DLG2: variants seen among roughly 807,000 people sequenced by gnomAD.
The protein encoded by DLG2 is discs large MAGUK scaffold protein 2, also known as disks large homolog 2.
Under a neutral mutation model 132.5 loss-of-function variants are expected in DLG2, and 45 were observed. The observed-to-expected ratio is 0.34, with a 90% CI of 0.27 to 0.44. DLG2 has a LOEUF of 0.44. Among genes scored for constraint, DLG2 ranks in the 20% least tolerant of loss-of-function variants. DLG2 has a pLI of 1.00. For missense variants in DLG2, 1,045 were observed against 1,196.9 expected, an observed-to-expected ratio of 0.87 and a Z score of 1.87; for synonymous variants, 424 against 419.6, an observed-to-expected ratio of 1.01 and a Z score of -0.13.
chr11:83,517,207 G>T (rs1283781816), intron 21 of DLG2, among the ~76,000 whole-genome samples: 1 of 152,138 alleles, frequency 6.6e-6, no homozygotes, highest in Non-Finnish European at 1.5e-5. Context: ...ATATTTCTTG[G>T]AGGCTTTGTG....
At chr11:83,625,644 G>A (rs2062392234) in intron 19 of DLG2, among the ~76,000 whole-genome samples, 1 of 152,204 alleles carries the variant, frequency 6.6e-6, no homozygotes, top group African/African-American at 2.4e-5. Context: ...ACTGTGTTGA[G>A]AATGAGGTTC....
intron 6 of DLG2, among the ~76,000 whole-genome samples, chr11:84,980,422 G>A (rs1433736506): frequency 1.3e-5 from 2 of 152,040 alleles, no homozygotes; most frequent in East Asian, 3.9e-4. Flanking sequence ...TTAAAACATT[G>A]GAACATTCCT....
At chr11:83,611,136 G>A (rs1436849455) in intron 19 of DLG2, among the ~76,000 whole-genome samples, 1 of 152,146 alleles carries the variant, frequency 6.6e-6, no homozygotes, top group African/African-American at 2.4e-5. Context: ...TATGTTGCAG[G>A]CTGGAGTGAA....
At chr11:84,416,413 G>C (rs952168622) in intron 7 of DLG2, among the ~76,000 whole-genome samples, 1 of 152,120 alleles carries the variant, frequency 6.6e-6, no homozygotes, top group Non-Finnish European at 1.5e-5. Context: ...TAAGCAAAAT[G>C]AAACTGTCTT....
chr11:85,323,905 A>G (rs942231752), intron 3 of DLG2, among the ~76,000 whole-genome samples: 1 of 152,126 alleles, frequency 6.6e-6, no homozygotes, highest in Non-Finnish European at 1.5e-5. Context: ...TAATCTGTTG[A>G]TGGACACTTT....
At chr11:85,444,184 A>G (rs748357811) in intron 3 of DLG2, among the ~76,000 whole-genome samples, 4 of 152,244 alleles carry the variant, frequency 2.6e-5, no homozygotes, top group Admixed American at 1.3e-4. Context: ...AATGCTACCA[A>G]AATCAAAAAT....
At chr11:85,191,775 CAG>C (rs1437623990) in intron 4 of DLG2, among the ~76,000 whole-genome samples, 1 of 152,114 alleles carries the variant, frequency 6.6e-6, no homozygotes, top group Non-Finnish European at 1.5e-5. Flanking sequence ...GATGGGCAGG[CAG>C]ACATTCCAGC....
intron 3 of DLG2, among the ~76,000 whole-genome samples, chr11:85,494,567 C>CTAGGCCGGGCGCGGTGGCT (rs2093630306): frequency 6.6e-6 from 1 of 151,616 alleles, no homozygotes; most frequent in African/African-American, 2.4e-5. Flanking sequence ...AAGACAGTCT[C>CTAGGCCGGGCGCGGTGGCT]CTGGATTATG....
chr11:85,212,377 G>A (rs1362350202), intron 4 of DLG2, among the ~76,000 whole-genome samples: 1 of 152,010 alleles, frequency 6.6e-6, no homozygotes, highest in East Asian at 1.9e-4. Context: ...AAGAAGCTAT[G>A]AAGGCAGAAG....
At chr11:83,765,317 C>A (rs1279685852) in intron 18 of DLG2, among the ~76,000 whole-genome samples, 1 of 152,098 alleles carries the variant, frequency 6.6e-6, no homozygotes. Flanking sequence ...GAAATTACTG[C>A]TAGAGGAATT....
intron 6 of DLG2, among the ~76,000 whole-genome samples, chr11:84,871,576 A>G (rs1398726763): frequency 6.6e-6 from 1 of 152,168 alleles, no homozygotes; most frequent in Non-Finnish European, 1.5e-5. Context: ...GTAGACATTA[A>G]AAGCATATGA....
intron 3 of DLG2, among the ~76,000 whole-genome samples, chr11:85,547,933 G>A (rs992157757): frequency 6.6e-6 from 1 of 152,054 alleles, no homozygotes; most frequent in African/African-American, 2.4e-5. Flanking sequence ...GTTAGAACAT[G>A]CTCCTTTAAC....
chr11:84,027,820 C>T (rs1181262924), intron 11 of DLG2, among the ~76,000 whole-genome samples: 3 of 151,862 alleles, frequency 2.0e-5, no homozygotes, highest in African/African-American at 7.2e-5. Context: ...GATATTCCTT[C>T]CATAACACAA....
At chr11:83,755,472 A>G in intron 18 of DLG2, among the ~76,000 whole-genome samples, 1 of 151,324 alleles carries the variant, frequency 6.6e-6, no homozygotes, top group African/African-American at 2.5e-5. Flanking sequence ...GTAAGAATCT[A>G]GACAGTATAT....
intron 18 of DLG2, among the ~76,000 whole-genome samples, chr11:83,666,299 G>C (rs527494871): frequency 5.9e-5 from 9 of 152,252 alleles, no homozygotes; most frequent in African/African-American, 2.2e-4. Context: ...CCCCCAGTCC[G>C]CAGACTGGTA....
intron 7 of DLG2, among the ~76,000 whole-genome samples, chr11:84,402,017 T>C (rs937880049): frequency 1.3e-5 from 2 of 152,256 alleles, no homozygotes; most frequent in Non-Finnish European, 2.9e-5. Context: ...TTGAAAATTA[T>C]GTTTTTAATG....
chr11:84,818,299 T>TA (rs2077289638), intron 6 of DLG2, among the ~76,000 whole-genome samples: 1 of 151,982 alleles, frequency 6.6e-6, no homozygotes, highest in Non-Finnish European at 1.5e-5. Flanking sequence ...ACATAGTCAG[T>TA]AAATGTATGT....
chr11:84,584,835 C>G (rs1416431950), intron 6 of DLG2, among the ~76,000 whole-genome samples: 1 of 151,098 alleles, frequency 6.6e-6, no homozygotes, highest in East Asian at 2.0e-4. Flanking sequence ...ACTACAGGCG[C>G]CCGCCACTAC....
intron 22 of DLG2, among the ~76,000 whole-genome samples, chr11:83,473,316 AAGATCAAAAATT>A: frequency 6.6e-6 from 1 of 152,290 alleles, no homozygotes; most frequent in South Asian, 2.1e-4. Flanking sequence ...TCAATTAATG[AAGATCAAAAATT>A]GAGGTGTGTC....
Sources: allele counts gnomAD v4.1 joint callset (sites outside exome capture counted in the v4.1 genomes callset), GRCh38; gene constraint gnomAD v4.1.1; transcripts MANE v1.5; gene names NCBI Gene and HGNC (gene_info 2026-07-23, HGNC 2026-07-21).